Variants in PRKN observed in about 807,000 individuals in gnomAD.
The protein encoded by PRKN is E3 ubiquitin-protein ligase parkin.
In PRKN, 56 loss-of-function variants were observed where a neutral mutation model predicts 59.5. That is an observed-to-expected ratio of 0.94 (90% confidence interval 0.76 to 1.18). PRKN has a LOEUF of 1.18. PRKN is among the 50% of genes most tolerant of loss of function. PRKN has a pLI of 0.00. For synonymous variants in PRKN, 250 were observed against 222.1 expected (o/e 1.13, Z -1.12); for missense variants, 657 against 596.4 (o/e 1.10, Z -1.06).
At chr6:161,510,901 A>G (rs977004434) in intron 9 of PRKN, among the ~76,000 whole-genome samples, 1 of 152,168 alleles carries the variant, frequency 6.6e-6, no homozygotes, top group Non-Finnish European at 1.5e-5. Context: ...GAGGGTGTTG[A>G]CCGTATTGAG....
At chr6:162,469,349 C>CGGGGGGGGGGGGGG (rs1562787728) in intron 1 of PRKN, among the ~76,000 whole-genome samples, 3 of 57,790 alleles carry the variant, frequency 5.2e-5, no homozygotes, top group African/African-American at 8.2e-5. Flanking sequence ...GGGGGGGTTG[C>CGGGGGGGGGGGGGG]AGGGGGGGGT....
chr6:161,523,738 A>C (rs982929389), intron 9 of PRKN, among the ~76,000 whole-genome samples: 1 of 152,198 alleles, frequency 6.6e-6, no homozygotes, highest in Non-Finnish European at 1.5e-5. Flanking sequence ...AATTTCATGG[A>C]AAGTAAGTAT....
chr6:161,363,791 A>T lies in PRKN; in HGVS notation c.1168-3586T>A, dbSNP rs1202516185. ...TTAGAATTCTATCCAAGCAAAATTAATTTTTAAGAATGAGCATAAATAAAA... is the reference window on the plus strand; with the variant it reads ...TTAGAATTCTATCCAAGCAAAATTATTTTTTAAGAATGAGCATAAATAAAA... On this transcript the variant is annotated intron_variant, in intron 10 of 11. Transcript: ENST00000366898. This position sits in a 1 kb window ranked among gnomAD's most constrained non-coding sequence, Gnocchi z 4.1. Among the ~76,000 whole-genome samples the T allele has an allele frequency of 6.6e-6, 1 of 152,196 alleles. No homozygotes were observed. The highest frequency in any genetic ancestry group is 1.9e-4 in the East Asian group (1 of 5,196).
intron 5 of PRKN, among the ~76,000 whole-genome samples, chr6:162,025,583 C>CCTT (rs1783400910): frequency 1.7e-5 from 1 of 59,008 alleles, no homozygotes; most frequent in African/African-American, 7.3e-5. Context: ...ATCCATGGTG[C>CCTT]TTTTTTTTTT....
chr6:162,336,489 C>G (rs1783852333), intron 2 of PRKN, among the ~76,000 whole-genome samples: 1 of 152,142 alleles, frequency 6.6e-6, no homozygotes, highest in Non-Finnish European at 1.5e-5. Flanking sequence ...GACAGAGATT[C>G]ACACCATAAT....
chr6:162,176,260 T>C (rs577132391), intron 4 of PRKN, among the ~76,000 whole-genome samples: 69 of 152,276 alleles, frequency 4.5e-4, no homozygotes, highest in African/African-American at 1.4e-3. Context: ...GAATTTAAGT[T>C]GGTTGAGGCT....
intron 6 of PRKN, among the ~76,000 whole-genome samples, chr6:161,912,489 T>C (rs1778401667): frequency 6.6e-6 from 1 of 150,466 alleles, no homozygotes; most frequent in South Asian, 2.1e-4. Flanking sequence ...GCTTCAGAAC[T>C]TGGCCTCAGG....
intron 6 of PRKN, among the ~76,000 whole-genome samples, chr6:161,889,877 G>GT (rs1795280022): frequency 6.6e-6 from 1 of 152,044 alleles, no homozygotes; most frequent in South Asian, 2.1e-4. Context: ...TTTTTTTAAT[G>GT]TTTTCAAAGC....
chr6:162,140,530 C>T (rs1029532903), intron 4 of PRKN, among the ~76,000 whole-genome samples: 4 of 152,222 alleles, frequency 2.6e-5, no homozygotes, highest in Admixed American at 1.3e-4. Flanking sequence ...GTGGTTTAGA[C>T]GGCACCAGCT....
intron 5 of PRKN, among the ~76,000 whole-genome samples, chr6:161,995,181 A>G (rs1167260139): frequency 6.6e-6 from 1 of 152,212 alleles, no homozygotes; most frequent in East Asian, 1.9e-4. Flanking sequence ...AATGACAAAC[A>G]TTGGAGAAAG....
chr6:161,705,192 T>C (rs1360609924), intron 7 of PRKN, among the ~76,000 whole-genome samples: 1 of 152,192 alleles, frequency 6.6e-6, no homozygotes, highest in Non-Finnish European at 1.5e-5. Flanking sequence ...TACCTCCCAA[T>C]AAGCCCATTG....
intron 5 of PRKN, among the ~76,000 whole-genome samples, chr6:162,008,999 A>G (rs534529048): frequency 1.3e-5 from 2 of 152,072 alleles, no homozygotes; most frequent in East Asian, 3.9e-4. Flanking sequence ...TCACGCCTGT[A>G]ATCCCAGCAC....
intron 6 of PRKN, among the ~76,000 whole-genome samples, chr6:161,863,258 C>CCT (rs771717177): frequency 7.9e-5 from 12 of 151,828 alleles, no homozygotes; most frequent in Non-Finnish European, 1.2e-4. Flanking sequence ...TTGACACAGA[C>CCT]CTCTCCTTTT....
At chr6:162,491,215 A>G (rs1205259729) in intron 1 of PRKN, among the ~76,000 whole-genome samples, 7 of 150,208 alleles carry the variant, frequency 4.7e-5, no homozygotes, top group African/African-American at 1.7e-4. Context: ...GGCTGCAGTG[A>G]GCTGAGATTG....
intron 2 of PRKN, chr6:162,265,150 T>G (rs150371517): frequency 6.6e-6 from 1 of 152,212 alleles, no homozygotes; most frequent in South Asian, 2.1e-4. Context: ...GTGTTTGTAC[T>G]TTTTTCCTTT....
At chr6:162,675,099 T>G (rs987331726) in intron 1 of PRKN, among the ~76,000 whole-genome samples, 1 of 151,514 alleles carries the variant, frequency 6.6e-6, no homozygotes, top group Non-Finnish European at 1.5e-5. Flanking sequence ...CCGGCTGGAG[T>G]GCAGTGGCGC....
chr6:161,854,137 C>T (rs1793550056), intron 6 of PRKN, among the ~76,000 whole-genome samples: 1 of 150,084 alleles, frequency 6.7e-6, no homozygotes, highest in Admixed American at 6.6e-5. Flanking sequence ...CACCTGTAAT[C>T]CCAGCTACCC....
intron 3 of PRKN, among the ~76,000 whole-genome samples, chr6:162,232,338 C>T (rs1203156468): frequency 6.6e-6 from 1 of 152,130 alleles, no homozygotes; most frequent in Non-Finnish European, 1.5e-5. Flanking sequence ...TCTGCAGGGG[C>T]TGCCTTCCTT....
intron 5 of PRKN, among the ~76,000 whole-genome samples, chr6:162,027,157 A>G (rs1783467202): frequency 6.6e-6 from 1 of 152,168 alleles, no homozygotes. Flanking sequence ...ACCCATGTCA[A>G]TCGTTAGTGT....
Sources: gnomAD v4.1 joint callset for allele counts (sites outside exome capture counted in the v4.1 genomes callset) on GRCh38, gnomAD v4.1.1 for gene constraint, Gnocchi (gnomAD v3.1) non-coding constraint, MANE v1.5 for transcripts, NCBI Gene and HGNC (gene_info 2026-07-23, HGNC 2026-07-21) for gene names.